Variants in IL1RAPL1 observed in about 807,000 individuals in gnomAD.
IL1RAPL1 encodes the protein interleukin-1 receptor accessory protein-like 1.
A neutral mutation model predicts 48.4 loss-of-function variants in IL1RAPL1; 3 were observed. That is an observed-to-expected ratio of 0.06 (90% CI 0.03 to 0.16). IL1RAPL1 has a LOEUF of 0.16. IL1RAPL1 is among the 10% of genes least tolerant of loss of function. IL1RAPL1 has a pLI of 1.00. For missense variants in IL1RAPL1, 349 were observed against 530.6 expected (o/e 0.66, Z 3.36); for synonymous variants, 185 against 187.7 (o/e 0.99, Z 0.12).
At chrX:29,435,021 C>A (rs1335216203) in intron 5 of IL1RAPL1, among the ~76,000 whole-genome samples, 1 of 110,935 alleles carries the variant, frequency 9.0e-6, no homozygotes, top group Non-Finnish European at 1.9e-5. Flanking sequence ...GTGGATTTGC[C>A]TATTCTGAAT....
intron 2 of IL1RAPL1, among the ~76,000 whole-genome samples, chrX:28,841,705 A>G (rs988117885): frequency 9.0e-6 from 1 of 110,651 alleles, no homozygotes; most frequent in African/African-American, 3.3e-5. Flanking sequence ...TTTGAGATAA[A>G]TCAAATAAAA....
At chrX:29,648,662 A>G (rs1390937809) in intron 5 of IL1RAPL1, among the ~76,000 whole-genome samples, 1 of 112,043 alleles carries the variant, frequency 8.9e-6, no homozygotes, top group African/African-American at 3.2e-5. Flanking sequence ...AGTTTATAAC[A>G]ATAAATGCCT....
chrX:29,746,181 A>C (rs925844009), intron 6 of IL1RAPL1, among the ~76,000 whole-genome samples: 4 of 112,005 alleles, frequency 3.6e-5, no homozygotes. Context: ...TAAATTCCTA[A>C]ATAGCATACT....
chrX:28,815,835 T>TTA (rs1426032009), intron 2 of IL1RAPL1, among the ~76,000 whole-genome samples: 12 of 27,678 alleles, frequency 4.3e-4, no homozygotes, highest in Admixed American at 8.3e-4. Context: ...GTATGTGTGT[T>TTA]TATGTATATA....
chrX:29,260,538 A>G (rs1207829630), intron 2 of IL1RAPL1, among the ~76,000 whole-genome samples: 1 of 111,603 alleles, frequency 9.0e-6, no homozygotes, highest in Non-Finnish European at 1.9e-5. Context: ...AACCGCCCCT[A>G]TGATTCAATT....
chrX:29,079,257 A>G (rs1225467034), intron 2 of IL1RAPL1, among the ~76,000 whole-genome samples: 1 of 111,901 alleles, frequency 8.9e-6, no homozygotes, highest in Non-Finnish European at 1.9e-5. Flanking sequence ...CCATCTACCC[A>G]TTCATTAAAT....
chrX:29,453,822 T>C (rs1393999851), intron 5 of IL1RAPL1, among the ~76,000 whole-genome samples: 2 of 112,225 alleles, frequency 1.8e-5, no homozygotes, highest in African/African-American at 6.5e-5. Flanking sequence ...AAACGTGCAC[T>C]ATCTCCCATA....
Position 28,832,288 on chromosome X carries a change from TCTC to T in IL1RAPL1, c.82+42867_82+42869del, listed in dbSNP as rs765813309. ...CTTCCCAACCTTTGGTAATCACTAT[TCTC>T]CTCTCTACTTCTATGAGATCAATGT... On this transcript the variant is annotated intron_variant, in intron 2 of 10. Transcript: ENST00000378993. Among the ~76,000 whole-genome samples the T allele has an allele frequency of 4.7e-3, 526 of 110,975 alleles. 5 individuals carry two copies. The highest frequency in any genetic ancestry group is 0.016 in the African/African-American group (486 of 30,633).
At chrX:29,861,045 G>A (rs144122977) in intron 6 of IL1RAPL1, among the ~76,000 whole-genome samples, 3,504 of 112,049 alleles carry the variant, frequency 0.031, 156 homozygotes, top group African/African-American at 0.11. Context: ...TTTCTAAAGA[G>A]CTCAGGAGTT....
intron 2 of IL1RAPL1, among the ~76,000 whole-genome samples, chrX:29,104,851 C>T (rs754987511): frequency 9.0e-6 from 1 of 111,712 alleles, no homozygotes; most frequent in Non-Finnish European, 1.9e-5. Flanking sequence ...TTTTCTGCCC[C>T]GCTATCTTTT....
At chrX:29,076,319 A>C (rs750232425) in intron 2 of IL1RAPL1, among the ~76,000 whole-genome samples, 34 of 111,863 alleles carry the variant, frequency 3.0e-4, no homozygotes, top group African/African-American at 8.7e-4. Context: ...TCAGGATACC[A>C]CAGGAGAAAA....
At chrX:29,341,267 C>T (rs5985831) in intron 3 of IL1RAPL1, among the ~76,000 whole-genome samples, 41,972 of 110,649 alleles carry the variant, frequency 0.38, 6,081 homozygotes, top group Middle Eastern at 0.58. Flanking sequence ...GTAGCCCTGA[C>T]GGAAGAGTCA....
chrX:28,925,234 A>G (rs1200723550), intron 2 of IL1RAPL1, among the ~76,000 whole-genome samples: 1 of 112,203 alleles, frequency 8.9e-6, no homozygotes, highest in Non-Finnish European at 1.9e-5. Context: ...TAATTTCAAT[A>G]AAGATAAAAC....
At chrX:29,620,050 A>G (rs1170626642) in intron 5 of IL1RAPL1, among the ~76,000 whole-genome samples, 4 of 111,568 alleles carry the variant, frequency 3.6e-5, no homozygotes, top group Non-Finnish European at 7.5e-5. Context: ...TTGAAACCCT[A>G]TCTTTGTGGA....
chrX:28,652,634 T>C (rs1184089014), intron 1 of IL1RAPL1, among the ~76,000 whole-genome samples: 1 of 111,757 alleles, frequency 8.9e-6, no homozygotes, highest in East Asian at 2.8e-4. Flanking sequence ...TTGTAGTAGA[T>C]CCAGCTGATG....
chrX:29,429,817 A>T (rs1477709484), intron 5 of IL1RAPL1, among the ~76,000 whole-genome samples: 1 of 109,768 alleles, frequency 9.1e-6, no homozygotes, highest in African/African-American at 3.3e-5. Flanking sequence ...AATAGAAATG[A>T]ACCTCATATC....
In IL1RAPL1 at chrX:29,816,404, T is replaced by G. The variant is rs767325108; in HGVS notation, c.779-101060T>G. On this transcript the variant is annotated intron_variant, in intron 6 of 10. Transcript: ENST00000378993. ...ATGAAAACCCTAAACAGAGTAATATTGAGTTCTGAATTGAAGCAGTAATAA... is the reference window on the plus strand; with the variant it reads ...ATGAAAACCCTAAACAGAGTAATATGGAGTTCTGAATTGAAGCAGTAATAA... Among the ~76,000 whole-genome samples, 6 of 110,485 alleles carry G rather than the reference T, an allele frequency of 5.4e-5. No individual in the cohort carries two copies. The South Asian group carries it at 1.5e-3, about 28-fold the overall frequency.
At chrX:28,656,379 T>G (rs1028924395) in intron 1 of IL1RAPL1, among the ~76,000 whole-genome samples, 1 of 111,553 alleles carries the variant, frequency 9.0e-6, no homozygotes, top group Non-Finnish European at 1.9e-5. Flanking sequence ...AGTTCTGAGC[T>G]CTGGTGGATA....
intron 2 of IL1RAPL1, among the ~76,000 whole-genome samples, chrX:28,845,102 G>A (rs1410613507): frequency 2.7e-5 from 3 of 111,479 alleles, no homozygotes; most frequent in Non-Finnish European, 5.7e-5. Flanking sequence ...GAGTGGAGGT[G>A]GAAGTAAAAG....
Sources: gnomAD v4.1 joint callset for allele counts (sites outside exome capture counted in the v4.1 genomes callset) on GRCh38, gnomAD v4.1.1 for gene constraint, MANE v1.5 for transcripts, NCBI Gene and HGNC (gene_info 2026-07-23, HGNC 2026-07-21) for gene names.